Variants in ZNF536 observed in about 807,000 individuals in gnomAD.
ZNF536 encodes the protein zinc finger protein 536.
ZNF536 carries 13 observed loss-of-function variants against 84.5 expected under a neutral mutation model. The observed-to-expected ratio is 0.15, with a 90% CI of 0.10 to 0.24. The LOEUF is 0.24. ZNF536 is among the 10% of genes least tolerant of loss of function. The pLI, the probability that ZNF536 is intolerant of heterozygous loss-of-function variation, is 1.00. For synonymous variants in ZNF536, 811 were observed against 742.5 expected, an observed-to-expected ratio of 1.09 and a Z score of -1.50; for missense variants, 1,536 against 1,747.5, an observed-to-expected ratio of 0.88 and a Z score of 2.16.
intron 1 of ZNF536, among the ~76,000 whole-genome samples, chr19:30,430,279 CATTT>C (rs1268326423): frequency 1.3e-5 from 2 of 152,304 alleles, no homozygotes; most frequent in African/African-American, 4.8e-5. Flanking sequence ...TCCATTCATT[CATTT>C]GTTCCCTCAT....
intron 1 of ZNF536, among the ~76,000 whole-genome samples, chr19:30,431,571 A>G (rs1272812708): frequency 1.3e-5 from 2 of 152,222 alleles, no homozygotes; most frequent in Non-Finnish European, 2.9e-5. Flanking sequence ...GCGTATGTGC[A>G]TTTTACATTA....
At chr19:30,358,942 T>C (rs1481950558) in intron 3 of ZNF536, among the ~76,000 whole-genome samples, 1 of 152,142 alleles carries the variant, frequency 6.6e-6, no homozygotes, top group Non-Finnish European at 1.5e-5. Flanking sequence ...TGGGGAGCTG[T>C]CATAGCCCCA....
At chr19:30,680,307 T>A (rs1424803737) in intron 1 of ZNF536, among the ~76,000 whole-genome samples, 2 of 151,660 alleles carry the variant, frequency 1.3e-5, no homozygotes, top group Non-Finnish European at 2.9e-5. Context: ...AATGTGCAGG[T>A]TAGTTACATA....
chr19:30,397,224 C>T (rs1441153667), intron 1 of ZNF536, among the ~76,000 whole-genome samples: 3 of 152,224 alleles, frequency 2.0e-5, no homozygotes, highest in Admixed American at 2.0e-4. Flanking sequence ...TGTCTAAAGC[C>T]ACCTTTGCAT....
chr19:30,269,777 C>T (rs538029999), intron 1 of ZNF536, among the ~76,000 whole-genome samples: 4 of 152,258 alleles, frequency 2.6e-5, no homozygotes, highest in Non-Finnish European at 4.4e-5. Context: ...CTTGTACGAA[C>T]GAAGATGCCA....
intron 2 of ZNF536, among the ~76,000 whole-genome samples, chr19:30,472,913 C>T (rs568060388): frequency 1.8e-4 from 27 of 151,748 alleles, no homozygotes; most frequent in South Asian, 1.0e-3. Context: ...GGGTAGAGGC[C>T]GGGTGAGGTG....
At chr19:30,608,673 C>A (rs931352016) in intron 1 of ZNF536, among the ~76,000 whole-genome samples, 3 of 152,166 alleles carry the variant, frequency 2.0e-5, no homozygotes, top group African/African-American at 7.2e-5. Flanking sequence ...TGGGCCCCAG[C>A]AGCTTGGAGA....
In ZNF536 at chr19:30,352,118, T is replaced by C. The variant is rs542244717; in HGVS notation, c.-119-250T>C. ...CAGAAGTGGCAGCTGCTTGGAATCCTGATAAATATAAGCTTTTATTGATCT... is the reference window on the plus strand; with the variant it reads ...CAGAAGTGGCAGCTGCTTGGAATCCCGATAAATATAAGCTTTTATTGATCT... On this transcript the variant is annotated intron_variant, in intron 2 of 5. Transcript: ENST00000585628. Among the ~76,000 whole-genome samples the C allele has an allele frequency of 1.4e-4, 22 of 152,368 alleles. No homozygotes were observed. In the East Asian group the frequency reaches 3.9e-3, roughly 27 times the overall value.
chr19:30,530,556 A>G (rs2044763153), intron 2 of ZNF536, among the ~76,000 whole-genome samples: 1 of 152,186 alleles, frequency 6.6e-6, no homozygotes, highest in African/African-American at 2.4e-5. Flanking sequence ...CATGTTGGCC[A>G]GGCTCGTCTC....
Position 30,443,764 on chromosome 19 carries a change from G to T in ZNF536, c.202G>T (p.Ala68Ser). Reference sequence around the variant, plus strand: ...GCCCCCCGCATCCCTGGAGGAGAAGGCCCACGTGCCCATGAGCGGCCAGCC... The same window carrying T: ...GCCCCCCGCATCCCTGGAGGAGAAGTCCCACGTGCCCATGAGCGGCCAGCC... ...EKPPASLEEK[A>S]HVPMSGQPMG... Residue 68 changes from alanine (A) to serine (S), a missense_variant, in exon 2 of 5, where the codon GCC (alanine) becomes TCC (serine). Around this residue, in one of 8 missense-constraint regions of ZNF536, gnomAD observed 161 missense variants for 178.5 expected, o/e 0.90. Coordinates refer to ENST00000355537, the MANE Select transcript of ZNF536 (RefSeq NM_014717.3). 1.9e-6 allele frequency: 3 copies of T among 1,612,840 alleles called. No homozygotes were observed. The highest frequency in any genetic ancestry group is 2.7e-5 in the African/African-American group (2 of 75,040).
chr19:30,625,344 G>A (rs1191338204), intron 1 of ZNF536, among the ~76,000 whole-genome samples: 4 of 152,194 alleles, frequency 2.6e-5, no homozygotes, highest in Non-Finnish European at 5.9e-5. Flanking sequence ...TTTTCCCAGT[G>A]AGAACACCAT....
At chr19:30,631,903 C>T (rs907033163) in intron 1 of ZNF536, among the ~76,000 whole-genome samples, 4 of 152,192 alleles carry the variant, frequency 2.6e-5, no homozygotes, top group African/African-American at 4.8e-5. Context: ...GAGCCACTGA[C>T]GACTCAGCTG....
At chr19:30,443,032 GT>G (rs1206989585) in intron 1 of ZNF536, among the ~76,000 whole-genome samples, 1 of 120,470 alleles carries the variant, frequency 8.3e-6, no homozygotes, top group Non-Finnish European at 1.7e-5. Context: ...GCCATTGAGT[GT>G]TTTTTGTTTG....
chr19:30,535,288 G>T (rs1413143031), intron 3 of ZNF536, among the ~76,000 whole-genome samples: 1 of 152,204 alleles, frequency 6.6e-6, no homozygotes, highest in African/African-American at 2.4e-5. Context: ...TTTGCTAATG[G>T]TTTCCTTCTG....
At chr19:30,667,750 T>C (rs1428417242) in intron 1 of ZNF536, among the ~76,000 whole-genome samples, 1 of 151,304 alleles carries the variant, frequency 6.6e-6, no homozygotes, top group East Asian at 2.0e-4. Context: ...ATAGAGTACA[T>C]GAACAGCTCC....
chr19:30,659,952 GGTGTGTGTGTGTGTGT>G (rs5827727), intron 1 of ZNF536, among the ~76,000 whole-genome samples: 2 of 101,236 alleles, frequency 2.0e-5, no homozygotes, highest in Admixed American at 8.4e-5. Context: ...TTGACACAAG[GGTGTGTGTGTGTGTGT>G]GTGTGTGTGT....
At chr19:30,619,312 G>A (rs1389281612) in intron 1 of ZNF536, among the ~76,000 whole-genome samples, 3 of 151,764 alleles carry the variant, frequency 2.0e-5, no homozygotes, top group Non-Finnish European at 4.4e-5. Context: ...ATTTTTTCTT[G>A]CCTCTTTTGT....
intron 1 of ZNF536, among the ~76,000 whole-genome samples, chr19:30,262,099 G>T (rs893809888): frequency 3.3e-5 from 5 of 152,232 alleles, no homozygotes; most frequent in Non-Finnish European, 7.3e-5. Flanking sequence ...ATACGGGTTT[G>T]GTTTAGGTGG....
intron 1 of ZNF536, among the ~76,000 whole-genome samples, chr19:30,669,088 G>T (rs922990013): frequency 1.1e-4 from 16 of 152,342 alleles, no homozygotes; most frequent in Middle Eastern, 3.4e-3. Context: ...AGTCCTGGAG[G>T]CTTCCTAGAG....
Sources: gnomAD v4.1 joint callset for allele counts (sites outside exome capture counted in the v4.1 genomes callset) on GRCh38, gnomAD v4.1.1 for gene constraint, gnomAD v4.1.1 regional missense constraint, MANE v1.5 for transcripts, NCBI Gene and HGNC (gene_info 2026-07-23, HGNC 2026-07-21) for gene names.